Variants in RYR2 observed in about 807,000 individuals in gnomAD.
The protein encoded by RYR2 is ryanodine receptor 2, also known as cardiac muscle ryanodine receptor-calcium release channel.
A neutral mutation model predicts 601.1 loss-of-function variants in RYR2; 227 were observed. That is an observed-to-expected ratio of 0.38 (90% CI 0.34 to 0.42). The LOEUF (loss-of-function observed/expected upper bound fraction) is 0.42, where lower values mean the gene tolerates loss of function less well. Ranked by LOEUF, RYR2 falls within the 10% of genes least tolerant of loss-of-function variation. The pLI is 1.00. For synonymous variants in RYR2, 2,223 were observed against 2,175.1 expected, an observed-to-expected ratio of 1.02 and a Z score of -0.61; for missense variants, 4,646 against 6,156.5, an observed-to-expected ratio of 0.75 and a Z score of 8.21.
intron 2 of RYR2, among the ~76,000 whole-genome samples, chr1:237,325,827 C>T (rs1441842707): frequency 1.3e-5 from 2 of 151,960 alleles, no homozygotes; most frequent in African/African-American, 4.8e-5. Flanking sequence ...GACGTCCCTA[C>T]AAGGAGATGT....
At chr1:237,202,707 C>T (rs1028000762) in intron 1 of RYR2, among the ~76,000 whole-genome samples, 7 of 152,194 alleles carry the variant, frequency 4.6e-5, no homozygotes, top group African/African-American at 1.7e-4. Context: ...CGGGTCCGTC[C>T]TTTAACAACA....
At chr1:237,521,958 C>T (rs1465307762) in intron 24 of RYR2, among the ~76,000 whole-genome samples, 1 of 152,026 alleles carries the variant, frequency 6.6e-6, no homozygotes, top group Non-Finnish European at 1.5e-5. Context: ...TCCACACGTC[C>T]TCTTCTTGGA....
chr1:237,095,237 G>T (rs1020916573), intron 1 of RYR2, among the ~76,000 whole-genome samples: 4 of 152,174 alleles, frequency 2.6e-5, no homozygotes, highest in Admixed American at 1.3e-4. Flanking sequence ...CTTTGTCTTG[G>T]CTTCAACTGT....
chr1:237,700,185 T>C lies in RYR2; in HGVS notation c.9129-44T>C, dbSNP rs993998791. 11 of 1,115,036 alleles carry C rather than the reference T, an allele frequency of 9.9e-6. No homozygotes were observed. In the African/African-American group the frequency reaches 1.2e-4, roughly 13 times the overall value. The allele number at this position is 1,115,036 out of a possible 1,614,324, so 69.1% of individuals were successfully genotyped here. A position where few individuals can be genotyped will look rare whatever the true frequency, so the allele number is the denominator to read the frequency against. On this transcript the variant is annotated intron_variant, in intron 64 of 104. Transcript: ENST00000366574. ...AACCACAATTCATTTATATTTCATT[T>C]GTTCCTGTTGGAAGATACGAGTCCT...
chr1:237,335,780 T>A (rs945172623), intron 3 of RYR2, among the ~76,000 whole-genome samples: 1 of 152,182 alleles, frequency 6.6e-6, no homozygotes, highest in Non-Finnish European at 1.5e-5. Flanking sequence ...ATAATTCAGG[T>A]GATTATGATT....
rs929830010 is a variant in RYR2, at chr1:237,684,788, T to A, written c.9018-2667T>A. On this transcript the variant is annotated intron_variant, in intron 62 of 104. Transcript: ENST00000366574. Reference sequence around the variant, plus strand: ...ATCTGAACACATATATATATATATATAATGCTTGAAGCTCCGAGGAAGTAG... The same window carrying A: ...ATCTGAACACATATATATATATATAAAATGCTTGAAGCTCCGAGGAAGTAG... 9.9e-5 allele frequency among the ~76,000 whole-genome samples: 15 copies of A among 151,692 alleles called. No individual in the cohort carries two copies. The East Asian group carries it at 2.1e-3, about 22-fold the overall frequency.
At chr1:237,436,942 C>T (rs1445411022) in intron 12 of RYR2, among the ~76,000 whole-genome samples, 1 of 151,000 alleles carries the variant, frequency 6.6e-6, no homozygotes, top group African/African-American at 2.4e-5. Flanking sequence ...ATAGGTATGG[C>T]TTCATTATGA....
chr1:237,717,941 C>T lies in RYR2; in HGVS notation c.10495-521C>T, dbSNP rs144280003. ...TAAATTGGAGGACATATTCTCCATT[C>T]CACATTGAATCACTGAAGCTCGTCA... On this transcript the variant is annotated intron_variant, in intron 72 of 104. Transcript: ENST00000366574. Among the ~76,000 whole-genome samples, 605 of 152,286 alleles carry T rather than the reference C, an allele frequency of 4.0e-3. 1 individual carries two copies. The highest frequency in any genetic ancestry group is 6.5e-3 in the Non-Finnish European group (444 of 68,016).
intron 56 of RYR2, among the ~76,000 whole-genome samples, chr1:237,663,433 G>A (rs905833716): frequency 6.7e-6 from 1 of 150,166 alleles, no homozygotes; most frequent in Non-Finnish European, 1.5e-5. Context: ...GAATTCCTCA[G>A]CTTTTTTTCA....
At chr1:237,495,890 A>G (rs1558918682) in intron 19 of RYR2, among the ~76,000 whole-genome samples, 3 of 152,222 alleles carry the variant, frequency 2.0e-5, no homozygotes, top group African/African-American at 7.2e-5. Context: ...AAATATGATT[A>G]ATGATACACA....
At chr1:237,232,023 A>G (rs759233796) in intron 1 of RYR2, among the ~76,000 whole-genome samples, 2 of 152,214 alleles carry the variant, frequency 1.3e-5, no homozygotes, top group Non-Finnish European at 2.9e-5. Context: ...AATTTTAGGT[A>G]GCAACTTCCT....
intron 4 of RYR2, among the ~76,000 whole-genome samples, chr1:237,357,688 T>C (rs1699418550): frequency 6.6e-6 from 1 of 152,190 alleles, no homozygotes; most frequent in Non-Finnish European, 1.5e-5. Context: ...TAAGGAAATA[T>C]CTCTGATATT....
chr1:237,150,501 A>G (rs1674588707), intron 1 of RYR2, among the ~76,000 whole-genome samples: 1 of 152,166 alleles, frequency 6.6e-6, no homozygotes, highest in Admixed American at 6.6e-5. Context: ...AAAGCCCCTG[A>G]AGACAGATAT....
chr1:237,412,747 T>G (rs72765955), intron 10 of RYR2, among the ~76,000 whole-genome samples: 5,377 of 152,278 alleles, frequency 0.035, 130 homozygotes, highest in Middle Eastern at 0.071. Context: ...TTGTGATGAT[T>G]ACCTCAAAAG....
At chr1:237,202,763 T>C (rs1012440401) in intron 1 of RYR2, among the ~76,000 whole-genome samples, 1 of 152,276 alleles carries the variant, frequency 6.6e-6, no homozygotes, top group African/African-American at 2.4e-5. Flanking sequence ...GTTCCAGCAT[T>C]CTGAAGATGG....
chr1:237,045,473 T>C (rs775817154), intron 1 of RYR2, among the ~76,000 whole-genome samples: 3 of 152,188 alleles, frequency 2.0e-5, no homozygotes, highest in Non-Finnish European at 4.4e-5. Flanking sequence ...TGTAGATGAA[T>C]GATCATTGAT....
intron 1 of RYR2, among the ~76,000 whole-genome samples, chr1:237,096,302 T>A (rs1237233656): frequency 1.3e-5 from 2 of 152,274 alleles, no homozygotes; most frequent in East Asian, 3.8e-4. Flanking sequence ...CACATGGAAC[T>A]CTTTTCTTCA....
chr1:237,812,025 A>G (rs1461042833), intron 100 of RYR2, among the ~76,000 whole-genome samples: 4 of 152,170 alleles, frequency 2.6e-5, no homozygotes, highest in Non-Finnish European at 2.9e-5. Flanking sequence ...ACTTGGCTAT[A>G]AATGCTATTG....
intron 31 of RYR2, 67 bp from the exon 32 acceptor site, chr1:237,591,672 A>T: frequency 7.8e-7 from 1 of 1,281,868 alleles, no homozygotes; most frequent in Non-Finnish European, 1.1e-6. Context: ...AATTGATTAT[A>T]TGCTCATATT....
Sources: allele counts gnomAD v4.1 joint callset (sites outside exome capture counted in the v4.1 genomes callset), GRCh38; gene constraint gnomAD v4.1.1; transcripts MANE v1.5; gene names NCBI Gene and HGNC (gene_info 2026-07-23, HGNC 2026-07-21).